MLLT10: variants seen among roughly 807,000 people sequenced by gnomAD.
MLLT10 encodes protein AF-10.
In MLLT10, 30 loss-of-function variants were observed where a neutral mutation model predicts 129.1. That is an observed-to-expected ratio of 0.23 (90% CI 0.17 to 0.32). MLLT10 has a LOEUF of 0.32. MLLT10 is among the 10% of genes least tolerant of loss of function. The pLI, the probability that MLLT10 is intolerant of heterozygous loss-of-function variation, is 1.00. For synonymous variants in MLLT10, 490 were observed against 446.4 expected (o/e 1.10, Z -1.23); for missense variants, 1,119 against 1,268.3 (o/e 0.88, Z 1.79).
chr10:21,620,822 C>G (rs2045741647), intron 8 of MLLT10, among the ~76,000 whole-genome samples: 1 of 151,816 alleles, frequency 6.6e-6, no homozygotes, highest in South Asian at 2.1e-4. Context: ...TCCCGAATAG[C>G]TGGGATTACA....
In MLLT10 at chr10:21,625,657, CAG is replaced by C. The variant is rs943006897; in HGVS notation, c.699+8453_699+8454del. 6.2e-5 allele frequency: 47 copies of C among 762,346 alleles called. No homozygotes were observed. In the African/African-American group the frequency reaches 8.0e-4, roughly 13 times the overall value. 47.2% of individuals were successfully genotyped at this position (762,346 alleles called of 1,614,324 possible). On this transcript the variant is annotated intron_variant, in intron 8 of 22. Coordinates refer to ENST00000307729, the MANE Select transcript of MLLT10 (RefSeq NM_001195626.3). ...CCTCTGTGACTTTACTGAATTCTTC[CAG>C]AGTGTTTTCTTTAGTCTTATTCTTC...
At chr10:21,533,956 C>G (rs968600384), upstream of MLLT10, among the ~76,000 whole-genome samples, 1 of 152,112 alleles carries the variant, frequency 6.6e-6, no homozygotes, top group Non-Finnish European at 1.5e-5. Flanking sequence ...AGGCCTCTTC[C>G]CGACGCTCAC....
Position 21,737,450 on chromosome 10 carries a change from A to T in MLLT10, c.2955+2215A>T, listed in dbSNP as rs117250927. Among the ~76,000 whole-genome samples, 911 of 152,114 alleles carry T rather than the reference A, an allele frequency of 6.0e-3. 3 individuals are homozygous for T. Among genetic ancestry groups the T allele is most frequent in the Middle Eastern group, 0.02 (6 of 294 alleles). On this transcript the variant is annotated intron_variant, in intron 21 of 22. Coordinates refer to ENST00000307729, the MANE Select transcript of MLLT10 (RefSeq NM_001195626.3). ...TGATGGGACATTGCTGGGATAGGAG[A>T]GAAGAAAGGTGCTAGCAGAGGAGGA...
At chr10:21,625,012 C>T in intron 8 of MLLT10, 2 of 1,012,138 alleles carry the variant, frequency 2.0e-6, no homozygotes. Context: ...TAGCCACCAT[C>T]ATAGCCATAG....
At chr10:21,643,724 T>C (rs974489992) in intron 8 of MLLT10, among the ~76,000 whole-genome samples, 1 of 152,226 alleles carries the variant, frequency 6.6e-6, no homozygotes, top group Non-Finnish European at 1.5e-5. Flanking sequence ...TGTATTCTGC[T>C]AAGTTTAACT....
chr10:21,572,768 A>G (rs2040348350), intron 3 of MLLT10, among the ~76,000 whole-genome samples: 1 of 152,000 alleles, frequency 6.6e-6, no homozygotes, highest in Non-Finnish European at 1.5e-5. Flanking sequence ...ATGTACCACT[A>G]AGCACAGCTA....
chr10:21,627,563 A>G (rs1256370643), intron 8 of MLLT10, among the ~76,000 whole-genome samples: 1 of 152,166 alleles, frequency 6.6e-6, no homozygotes, highest in Admixed American at 6.6e-5. Context: ...TGTGACCTTG[A>G]CATCTCTTAA....
chr10:21,541,614 G>C (rs985837113), intron 3 of MLLT10, among the ~76,000 whole-genome samples: 2 of 152,124 alleles, frequency 1.3e-5, no homozygotes, highest in African/African-American at 4.8e-5. Context: ...TCGATCTCCT[G>C]ACCTCAGGTG....
At chr10:21,631,364 A>G (rs1037458207) in intron 8 of MLLT10, among the ~76,000 whole-genome samples, 1 of 151,672 alleles carries the variant, frequency 6.6e-6, no homozygotes, top group African/African-American at 2.4e-5. Context: ...GAAGAGATAA[A>G]GAGACACCTA....
intron 4 of MLLT10, among the ~76,000 whole-genome samples, chr10:21,594,307 G>A (rs188613742): frequency 7.9e-5 from 12 of 151,852 alleles, no homozygotes; most frequent in Admixed American, 7.9e-4. Flanking sequence ...CCCATCACTT[G>A]GGGAGGCTGA....
At chr10:21,548,510 C>T (rs1402427258) in intron 3 of MLLT10, among the ~76,000 whole-genome samples, 3 of 151,774 alleles carry the variant, frequency 2.0e-5, no homozygotes, top group Admixed American at 6.6e-5. Flanking sequence ...GCTGGGAATA[C>T]AGGTGCCCGC....
At chr10:21,710,707 G>C (rs1408715357) in intron 13 of MLLT10, among the ~76,000 whole-genome samples, 2 of 152,118 alleles carry the variant, frequency 1.3e-5, no homozygotes, top group African/African-American at 4.8e-5. Flanking sequence ...ATTTGTATTA[G>C]GAAGTGATTT....
chr10:21,607,814 C>T (rs1335315446), intron 5 of MLLT10, among the ~76,000 whole-genome samples: 4 of 152,122 alleles, frequency 2.6e-5, no homozygotes, highest in Non-Finnish European at 5.9e-5. Context: ...CTTATCAGAG[C>T]TGTTTGTTTT....
chr10:21,564,499 G>A (rs1323998255), intron 3 of MLLT10: 4 of 151,092 alleles, frequency 2.6e-5, no homozygotes, highest in African/African-American at 7.3e-5. Context: ...AAGAATTTGC[G>A]TGTCATTACT....
At position 21,681,361 on chromosome 10, in the gene MLLT10, G is replaced by T. The variant is rs751567873; in HGVS notation, c.1651G>T (p.Ala551Ser). ...TTCCATGCAGTATCGGCATGATGGA[G>T]CTTGCCCAACAACTAGTAAGTTGTC... ...EISMQYRHDG[A>S]CPTTTFSELL... is the part of the protein sequence containing the mutation. The change falls in exon 12 of 23, where the codon GCT (alanine) becomes TCT (serine). Residue 551 changes from alanine to serine, a missense_variant. Coordinates refer to ENST00000307729, the MANE Select transcript of MLLT10 (RefSeq NM_001195626.3). The T allele has an allele frequency of 6.2e-7, 1 of 1,611,390 alleles. No individual in the cohort carries two copies.
At position 21,733,756 on chromosome 10, in the gene MLLT10, T is replaced by G; in HGVS notation, c.2497-12T>G. 1 of 1,593,178 alleles carries G rather than the reference T, an allele frequency of 6.3e-7. No individual in the cohort carries two copies. Among genetic ancestry groups the G allele is most frequent in the Non-Finnish European group, 8.5e-7 (1 of 1,169,958 alleles). ...GTCCAGTGGACTTAGTTTCTCTTCT[T>G]TCTTACGCTAGGACTTAACCTCCAG... On this transcript the variant is annotated splice_polypyrimidine_tract_variant and intron_variant, in intron 19 of 22. Transcript: ENST00000307729.
At chr10:21,549,841 G>A (rs759414245) in intron 3 of MLLT10, among the ~76,000 whole-genome samples, 7 of 151,854 alleles carry the variant, frequency 4.6e-5, no homozygotes, top group Admixed American at 6.6e-5. Context: ...GTTTCGCCAT[G>A]TCGGCCAGGC....
At chr10:21,660,354 C>T (rs1404610357) in intron 9 of MLLT10, among the ~76,000 whole-genome samples, 4 of 151,322 alleles carry the variant, frequency 2.6e-5, no homozygotes, top group African/African-American at 4.9e-5. Context: ...CGGTGGCTCA[C>T]GCCTGTATCC....
intron 13 of MLLT10, among the ~76,000 whole-genome samples, chr10:21,711,909 A>G (rs1397004504): frequency 1.3e-5 from 2 of 152,190 alleles, no homozygotes; most frequent in Non-Finnish European, 2.9e-5. Context: ...GCTCTCCACA[A>G]CTGTTTGTAA....
Sources: allele counts gnomAD v4.1 joint callset (sites outside exome capture counted in the v4.1 genomes callset), GRCh38; gene constraint gnomAD v4.1.1; transcripts MANE v1.5; gene names NCBI Gene and HGNC (gene_info 2026-07-23, HGNC 2026-07-21).